NRG3: variants seen among roughly 807,000 people sequenced by gnomAD.
The protein encoded by NRG3 is neuregulin 3.
A neutral mutation model predicts 66.9 loss-of-function variants in NRG3; 31 were observed. The observed-to-expected ratio is 0.46, with a 90% CI of 0.35 to 0.63. The LOEUF is 0.63. NRG3 is among the 20% of genes least tolerant of loss of function. The pLI is 0.00. For synonymous variants in NRG3, 393 were observed against 359.4 expected, an observed-to-expected ratio of 1.09 and a Z score of -1.06; for missense variants, 910 against 878.9, an observed-to-expected ratio of 1.04 and a Z score of -0.45.
At chr10:82,952,396 A>G (rs1923576) in intron 5 of NRG3, among the ~76,000 whole-genome samples, 135,018 of 146,012 alleles carry the variant, frequency 0.92, 62,482 homozygotes, top group Middle Eastern at 0.98. Flanking sequence ...TCACACTGCT[A>G]CACTGCAGCC....
At chr10:82,473,229 G>T (rs528080872) in intron 2 of NRG3, among the ~76,000 whole-genome samples, 1 of 152,174 alleles carries the variant, frequency 6.6e-6, no homozygotes, top group East Asian at 1.9e-4. Flanking sequence ...TCAGAACCAC[G>T]CACTGAGCTG....
intron 4 of NRG3, among the ~76,000 whole-genome samples, chr10:82,879,051 C>T (rs1842069858): frequency 6.6e-6 from 1 of 152,206 alleles, no homozygotes; most frequent in Non-Finnish European, 1.5e-5. Flanking sequence ...GACTTAGCCT[C>T]TCTATTTTAT....
chr10:82,229,161 C>T (rs1363460575), intron 1 of NRG3: 1 of 152,180 alleles, frequency 6.6e-6, no homozygotes, highest in Non-Finnish European at 1.5e-5. Flanking sequence ...AAATTACCAG[C>T]ATATAGTCTA....
intron 1 of NRG3, among the ~76,000 whole-genome samples, chr10:82,157,981 A>G (rs2071306616): frequency 6.6e-6 from 1 of 151,658 alleles, no homozygotes; most frequent in African/African-American, 2.4e-5. Flanking sequence ...GAACGTGATT[A>G]GCATCGGGAG....
chr10:82,930,070 A>C (rs1313281281), intron 4 of NRG3, among the ~76,000 whole-genome samples: 1 of 152,146 alleles, frequency 6.6e-6, no homozygotes, highest in Non-Finnish European at 1.5e-5. Flanking sequence ...TAGATCGTTC[A>C]TAATTGTTGG....
At chr10:82,638,328 T>G (rs67093168) in intron 2 of NRG3, among the ~76,000 whole-genome samples, 29,385 of 152,116 alleles carry the variant, frequency 0.19, 3,545 homozygotes, top group African/African-American at 0.33. Context: ...CTAAGCATAA[T>G]ATGATTAGGT....
At chr10:82,647,119 G>C (rs1380417995) in intron 2 of NRG3, among the ~76,000 whole-genome samples, 1 of 151,658 alleles carries the variant, frequency 6.6e-6, no homozygotes, top group Non-Finnish European at 1.5e-5. Flanking sequence ...TCTTCATTTA[G>C]CATTAGATAT....
intron 3 of NRG3, among the ~76,000 whole-genome samples, chr10:82,768,397 G>T (rs926119948): frequency 3.9e-5 from 6 of 151,998 alleles, no homozygotes; most frequent in Admixed American, 1.3e-4. Context: ...TACCCTGATG[G>T]TTCTTTATCA....
intron 2 of NRG3, among the ~76,000 whole-genome samples, chr10:82,496,060 C>G (rs1843604067): frequency 6.6e-6 from 1 of 152,136 alleles, no homozygotes; most frequent in Non-Finnish European, 1.5e-5. Context: ...TATGGTCTCT[C>G]TGACAAGATG....
chr10:82,741,357 T>C (rs1350471047), intron 3 of NRG3, among the ~76,000 whole-genome samples: 1 of 152,162 alleles, frequency 6.6e-6, no homozygotes, highest in Non-Finnish European at 1.5e-5. Flanking sequence ...GTGTAACATT[T>C]ACCCTTTTCC....
intron 2 of NRG3, among the ~76,000 whole-genome samples, chr10:82,483,086 A>G (rs924097153): frequency 4.6e-5 from 7 of 152,168 alleles, no homozygotes; most frequent in African/African-American, 1.7e-4. Context: ...GGCAGGGCAG[A>G]TGGGCCCAAA....
chr10:82,733,021 T>C (rs1275060789), intron 2 of NRG3, among the ~76,000 whole-genome samples: 1 of 152,218 alleles, frequency 6.6e-6, no homozygotes, highest in African/African-American at 2.4e-5. Context: ...AGGCCATTTT[T>C]TTTCCCTATG....
chr10:82,550,723 A>G (rs2044250682), intron 2 of NRG3, among the ~76,000 whole-genome samples: 1 of 152,176 alleles, frequency 6.6e-6, no homozygotes, highest in Admixed American at 6.5e-5. Context: ...TAGACCATGT[A>G]AAACCTATGG....
chr10:82,927,484 T>A (rs1400741967), intron 4 of NRG3, among the ~76,000 whole-genome samples: 1 of 152,036 alleles, frequency 6.6e-6, no homozygotes, highest in Non-Finnish European at 1.5e-5. Flanking sequence ...CCTAATGCTA[T>A]CCCTCCCCTG....
At chr10:82,443,890 T>C (rs1273783599) in intron 2 of NRG3, among the ~76,000 whole-genome samples, 2 of 152,098 alleles carry the variant, frequency 1.3e-5, no homozygotes, top group Non-Finnish European at 2.9e-5. Flanking sequence ...TATGAAGAAA[T>C]GTAAGAGGTG....
intron 4 of NRG3, among the ~76,000 whole-genome samples, chr10:82,892,012 CA>C (rs1187805694): frequency 6.6e-6 from 1 of 151,972 alleles, no homozygotes; most frequent in Non-Finnish European, 1.5e-5. Context: ...CTATTTGTAT[CA>C]TATGATTTAT....
intron 1 of NRG3, among the ~76,000 whole-genome samples, chr10:82,271,705 T>C (rs946995028): frequency 2.6e-5 from 4 of 152,012 alleles, no homozygotes; most frequent in Non-Finnish European, 5.9e-5. Context: ...GAAGGTAGAG[T>C]TTTGGTGCTG....
In NRG3 at chr10:82,075,792, G is replaced by T. The variant is rs2065059473; in HGVS notation, c.823+199629G>T. Among the ~76,000 whole-genome samples, 5 of 152,048 alleles carry T rather than the reference G, an allele frequency of 3.3e-5. No homozygotes were observed. In the South Asian group the frequency reaches 1.0e-3, roughly 32 times the overall value. On this transcript the variant is annotated intron_variant, in intron 1 of 8. Coordinates refer to ENST00000372141, the MANE Select transcript of NRG3 (RefSeq NM_001010848.4). Reference sequence around the variant, plus strand: ...TAGTCCAGCAGGAAATGACATGTCTGGGGCAACAGGGTAGCAAAACTTCAG... The same window carrying T: ...TAGTCCAGCAGGAAATGACATGTCTTGGGCAACAGGGTAGCAAAACTTCAG...
intron 2 of NRG3, among the ~76,000 whole-genome samples, chr10:82,730,883 C>T (rs947752744): frequency 1.3e-5 from 2 of 152,094 alleles, no homozygotes; most frequent in Non-Finnish European, 2.9e-5. Context: ...TAGCTAGAAA[C>T]GTTTTTGTCC....
Sources: allele counts gnomAD v4.1 joint callset (sites outside exome capture counted in the v4.1 genomes callset), GRCh38; gene constraint gnomAD v4.1.1; transcripts MANE v1.5; gene names NCBI Gene and HGNC (gene_info 2026-07-23, HGNC 2026-07-21).